The following PREX1 variants were observed in gnomAD, a reference collection of about 807,000 sequenced individuals.
PREX1 encodes phosphatidylinositol 3,4,5-trisphosphate-dependent Rac exchanger 1 protein.
PREX1 carries 41 observed loss-of-function variants against 198.3 expected under a neutral mutation model. The observed-to-expected ratio is 0.21, with a 90% CI of 0.16 to 0.27. The LOEUF is 0.27. PREX1 is among the 10% of genes least tolerant of loss of function. The pLI is 1.00. For missense variants in PREX1, 1,620 were observed against 2,200.7 expected (o/e 0.74, Z 5.28); for synonymous variants, 843 against 887.2 (o/e 0.95, Z 0.89).
intron 1 of PREX1, among the ~76,000 whole-genome samples, chr20:48,769,364 C>T (rs931036109): frequency 6.6e-6 from 1 of 152,096 alleles, no homozygotes; most frequent in Non-Finnish European, 1.5e-5. Flanking sequence ...AGAGGTGTCC[C>T]CCGCCCACCA....
chr20:48,660,796 G>C (rs1484203909), intron 15 of PREX1, among the ~76,000 whole-genome samples: 1 of 152,198 alleles, frequency 6.6e-6, no homozygotes, highest in Non-Finnish European at 1.5e-5. Context: ...GAAGCTCACA[G>C]ATAAATGGGC....
At chr20:48,859,203 G>A in the PREX1 span, among the ~76,000 whole-genome samples, 101 of 152,248 alleles carry the variant, frequency 6.6e-4, 2 homozygotes, top group South Asian at 0.015. Flanking sequence ...ACTTGGGCCA[G>A]TACTTTAGAA....
At chr20:48,857,938 G>A in the PREX1 span, among the ~76,000 whole-genome samples, 2 of 152,256 alleles carry the variant, frequency 1.3e-5, no homozygotes, top group African/African-American at 2.4e-5. Context: ...CAAATGCAAA[G>A]GCCCTGTGGC....
chr20:48,675,902 T>G (rs2089705552), intron 14 of PREX1, among the ~76,000 whole-genome samples: 1 of 152,104 alleles, frequency 6.6e-6, no homozygotes, highest in South Asian at 2.1e-4. Flanking sequence ...CTGGGTGTGG[T>G]GGCGTGCGCC....
At position 48,681,232 on chromosome 20, in the gene PREX1, C is replaced by G; in HGVS notation, c.1435+3G>C. 6.2e-7 allele frequency: 1 copy of G among 1,613,730 alleles called. No homozygotes were observed. Among genetic ancestry groups the G allele is most frequent in the Non-Finnish European group, 8.5e-7 (1 of 1,179,820 alleles). ...GCCCAGCTGGGCCCAGCCCTCCACT[C>G]ACCATGGTGGATGATGCCATTCTCC... On this transcript the variant is annotated splice_donor_region_variant and intron_variant, in intron 11 of 39. Transcript: ENST00000371941.
intron 1 of PREX1, among the ~76,000 whole-genome samples, chr20:48,760,749 G>C (rs2090175755): frequency 6.6e-6 from 1 of 152,118 alleles, no homozygotes; most frequent in Admixed American, 6.5e-5. Flanking sequence ...ACCAGGGCCT[G>C]CCGTGCACCA....
At chr20:48,819,902 C>T (rs1231776830) in intron 1 of PREX1, among the ~76,000 whole-genome samples, 1 of 152,218 alleles carries the variant, frequency 6.6e-6, no homozygotes, top group South Asian at 2.1e-4. Context: ...ACCCTGACCC[C>T]GGCCTCGCTC....
chr20:48,887,838 T>C, the PREX1 span, among the ~76,000 whole-genome samples: 11 of 150,980 alleles, frequency 7.3e-5, no homozygotes, highest in Non-Finnish European at 1.6e-4. Flanking sequence ...TAGTTCCAGT[T>C]CCTGGGGAGG....
chr20:48,757,996 T>C (rs1437547805), intron 1 of PREX1, among the ~76,000 whole-genome samples: 1 of 152,072 alleles, frequency 6.6e-6, no homozygotes, highest in African/African-American at 2.4e-5. Flanking sequence ...TTAGCGGGTG[T>C]ACCATGACAG....
chr20:48,747,142 G>A (rs555355403), intron 2 of PREX1, among the ~76,000 whole-genome samples: 4 of 152,314 alleles, frequency 2.6e-5, no homozygotes, highest in East Asian at 1.9e-4. Flanking sequence ...TAATCAGGGC[G>A]TTTGGGGGGA....
At chr20:48,675,765 G>A (rs1017387934) in intron 14 of PREX1, among the ~76,000 whole-genome samples, 4 of 152,172 alleles carry the variant, frequency 2.6e-5, no homozygotes, top group Non-Finnish European at 4.4e-5. Context: ...ATGGCCGGGC[G>A]TGGTGGCTCA....
rs534399115 is a variant in PREX1, at chr20:48,634,586, G to A, written c.4267+90C>T. On this transcript the variant is annotated intron_variant, in intron 33 of 39. Coordinates refer to ENST00000371941, the MANE Select transcript of PREX1 (RefSeq NM_020820.4). ...GCCCACCTTGGGCAGCTGGCCCAGAGGCAGGGGAAGGACAGGGTGACCCCA... is the reference window on the plus strand; with the variant it reads ...GCCCACCTTGGGCAGCTGGCCCAGAAGCAGGGGAAGGACAGGGTGACCCCA... The A allele has an allele frequency of 6.0e-6, 8 of 1,344,112 alleles. No individual in the cohort carries two copies. In the African/African-American group the frequency reaches 1.1e-4, roughly 19 times the overall value. The allele number at this position is 1,344,112 out of a possible 1,614,324, so 83.3% of individuals were successfully genotyped here. A position where few individuals can be genotyped will look rare whatever the true frequency, so the allele number is the denominator to read the frequency against.
At chr20:48,857,910 G>T in the PREX1 span, among the ~76,000 whole-genome samples, 1 of 152,244 alleles carries the variant, frequency 6.6e-6, no homozygotes, top group African/African-American at 2.4e-5. Flanking sequence ...TAAAAGGGGG[G>T]TCTGGGCCAA....
chr20:48,655,146 G>T, intron 19 of PREX1, 144 bp downstream of exon 19: 1 of 881,220 alleles, frequency 1.1e-6, no homozygotes, highest in Non-Finnish European at 1.7e-6. Flanking sequence ...GTGTTTGCAA[G>T]TCTTGGCATC....
At chr20:48,863,532 T>C in the PREX1 span, among the ~76,000 whole-genome samples, 1 of 151,520 alleles carries the variant, frequency 6.6e-6, no homozygotes, top group East Asian at 1.9e-4. Context: ...AGTTTTGGTT[T>C]ATCCAGAATG....
intron 6 of PREX1, among the ~76,000 whole-genome samples, chr20:48,706,612 T>C (rs955261654): frequency 2.0e-5 from 3 of 152,088 alleles, no homozygotes; most frequent in African/African-American, 7.2e-5. Context: ...TTTGAACACA[T>C]GGTGCCTGGA....
chr20:48,716,741 G>A (rs2089964157), intron 5 of PREX1, among the ~76,000 whole-genome samples: 1 of 152,220 alleles, frequency 6.6e-6, no homozygotes, highest in Non-Finnish European at 1.5e-5. Flanking sequence ...TGGGACCCAT[G>A]CTGAGCCGGT....
chr20:48,701,283 C>A (rs985198232), intron 6 of PREX1, among the ~76,000 whole-genome samples: 3 of 152,170 alleles, frequency 2.0e-5, no homozygotes, highest in Non-Finnish European at 4.4e-5. Context: ...GCGATCTCGG[C>A]TCCCTGCAAC....
chr20:48,715,851 G>A (rs532134403), intron 5 of PREX1, among the ~76,000 whole-genome samples: 26 of 152,132 alleles, frequency 1.7e-4, no homozygotes, highest in African/African-American at 5.5e-4. Context: ...TTTCATCCTC[G>A]AATCATCCCA....
Sources: allele counts gnomAD v4.1 joint callset (sites outside exome capture counted in the v4.1 genomes callset), GRCh38; gene constraint gnomAD v4.1.1; transcripts MANE v1.5; gene names NCBI Gene and HGNC (gene_info 2026-07-23, HGNC 2026-07-21).